The following MYO16 variants were observed in gnomAD, a reference collection of about 807,000 sequenced individuals.
The protein encoded by MYO16 is unconventional myosin-XVI.
In MYO16, 94 loss-of-function variants were observed where a neutral mutation model predicts 205.3. The ratio of observed to expected loss-of-function variants is 0.46; its 90% CI spans 0.39 to 0.54. The LOEUF is 0.54. MYO16 is among the 20% of genes least tolerant of loss of function. The pLI, the probability that MYO16 is intolerant of heterozygous loss-of-function variation, is 0.00. For missense variants in MYO16, 2,315 were observed against 2,387.5 expected, an observed-to-expected ratio of 0.97 and a Z score of 0.63; for synonymous variants, 988 against 954.0, an observed-to-expected ratio of 1.04 and a Z score of -0.66.
intron 34 of MYO16, among the ~76,000 whole-genome samples, chr13:109,197,931 C>T (rs1880227085): frequency 6.6e-6 from 1 of 152,214 alleles, no homozygotes; most frequent in Non-Finnish European, 1.5e-5. Context: ...CTATTCTATT[C>T]ATCAAGTTCC....
chr13:108,506,247 G>GT, the MYO16 span, among the ~76,000 whole-genome samples: 120 of 151,998 alleles, frequency 7.9e-4, 1 homozygote, highest in Non-Finnish European at 1.0e-4. Context: ...GTCTTACTTT[G>GT]GATATTACTT....
the MYO16 span, among the ~76,000 whole-genome samples, chr13:108,497,961 G>A: frequency 1.3e-5 from 2 of 152,110 alleles, no homozygotes; most frequent in African/African-American, 4.8e-5. Context: ...AAATCTGTTG[G>A]GTGAAGCCAC....
At chr13:109,010,976 T>TATATATATATATATATATATATATA (rs59979915) in intron 22 of MYO16, among the ~76,000 whole-genome samples, 35 of 143,118 alleles carry the variant, frequency 2.4e-4, no homozygotes, top group Middle Eastern at 3.7e-3. Context: ...TATATATATA[T>TATATATATATATATATATATATATA]TTCTTCACCT....
At chr13:108,986,280 C>T (rs1034611197) in intron 20 of MYO16, among the ~76,000 whole-genome samples, 84 of 151,978 alleles carry the variant, frequency 5.5e-4, no homozygotes, top group Admixed American at 1.3e-3. Flanking sequence ...CTACAGTGCA[C>T]GTTATGTGTA....
chr13:108,672,962 A>G (rs1882052698), intron 2 of MYO16, among the ~76,000 whole-genome samples: 2 of 151,290 alleles, frequency 1.3e-5, no homozygotes. Flanking sequence ...CCTTGCAGGT[A>G]TGTTCTGCAC....
chr13:108,735,891 C>T (rs1884680920), intron 4 of MYO16, among the ~76,000 whole-genome samples: 1 of 152,050 alleles, frequency 6.6e-6, no homozygotes, highest in African/African-American at 2.4e-5. Context: ...CTCTGATGGC[C>T]AGTGATGATG....
chr13:109,151,929 T>C (rs1178612660), intron 32 of MYO16, among the ~76,000 whole-genome samples: 1 of 152,110 alleles, frequency 6.6e-6, no homozygotes, highest in Non-Finnish European at 1.5e-5. Flanking sequence ...TCAGGCGAGA[T>C]GACGTGCTGG....
intron 16 of MYO16, among the ~76,000 whole-genome samples, chr13:108,928,295 A>G (rs1446296736): frequency 6.6e-6 from 1 of 152,196 alleles, no homozygotes; most frequent in Non-Finnish European, 1.5e-5. Context: ...TGTCCGGTAA[A>G]TGCAGGCGTC....
chr13:108,702,422 G>C (rs1380863620), intron 2 of MYO16, among the ~76,000 whole-genome samples: 4 of 152,170 alleles, frequency 2.6e-5, no homozygotes, highest in Non-Finnish European at 5.9e-5. Context: ...AAGGAAGACT[G>C]CCAGCCAAGA....
chr13:108,703,358 T>C (rs906554414), intron 2 of MYO16, among the ~76,000 whole-genome samples: 19 of 152,342 alleles, frequency 1.2e-4, no homozygotes, highest in African/African-American at 3.1e-4. Flanking sequence ...AAAGGAATTA[T>C]TCCATCATGA....
intron 15 of MYO16, among the ~76,000 whole-genome samples, chr13:108,909,139 A>G (rs758039134): frequency 3.9e-5 from 6 of 152,178 alleles, no homozygotes; most frequent in Admixed American, 1.3e-4. Context: ...ATTTTGACCA[A>G]CGCTAGCTTC....
At chr13:109,177,742 C>G (rs761627657) in intron 33 of MYO16, among the ~76,000 whole-genome samples, 2 of 152,176 alleles carry the variant, frequency 1.3e-5, no homozygotes, top group African/African-American at 2.4e-5. Context: ...GTCTCGATCT[C>G]CTGACCTCAG....
At chr13:108,534,851 C>T in the MYO16 span, among the ~76,000 whole-genome samples, 1 of 148,438 alleles carries the variant, frequency 6.7e-6, no homozygotes, top group East Asian at 2.0e-4. Context: ...TCCTCCTCAT[C>T]CTCTTCCTCC....
intron 4 of MYO16, among the ~76,000 whole-genome samples, chr13:108,773,284 A>G (rs1179273733): frequency 6.6e-6 from 1 of 152,226 alleles, no homozygotes; most frequent in Non-Finnish European, 1.5e-5. Flanking sequence ...TGTATTAGAT[A>G]AAGAGTATTG....
At chr13:108,667,319 TG>T (rs756760949) in intron 2 of MYO16, among the ~76,000 whole-genome samples, 1,613 of 143,566 alleles carry the variant, frequency 0.011, 52 homozygotes, top group East Asian at 0.045. Context: ...ATTTCTGTTT[TG>T]TTTTTTTTTT....
At chr13:108,728,159 A>G (rs544237121) in intron 4 of MYO16, among the ~76,000 whole-genome samples, 1 of 152,350 alleles carries the variant, frequency 6.6e-6, no homozygotes, top group South Asian at 2.1e-4. Context: ...CAATTTTTAG[A>G]AAACACACTG....
chr13:108,531,376 A>G, the MYO16 span, among the ~76,000 whole-genome samples: 1 of 152,214 alleles, frequency 6.6e-6, no homozygotes, highest in Admixed American at 6.5e-5. Context: ...AGATGGTCTT[A>G]GCAGTTTCTA....
chr13:108,688,346 G>A (rs946849865), intron 2 of MYO16, among the ~76,000 whole-genome samples: 1 of 152,082 alleles, frequency 6.6e-6, no homozygotes, highest in South Asian at 2.1e-4. Flanking sequence ...CTTTCTCATC[G>A]GTAGGAATAG....
chr13:109,110,657 G>A (rs537769818), intron 28 of MYO16, among the ~76,000 whole-genome samples: 180 of 152,344 alleles, frequency 1.2e-3, no homozygotes, highest in African/African-American at 4.1e-3. Context: ...GACATTCAGA[G>A]CCAGGCTGAA....
Sources: gnomAD v4.1 joint callset for allele counts (sites outside exome capture counted in the v4.1 genomes callset) on GRCh38, gnomAD v4.1.1 for gene constraint, MANE v1.5 for transcripts, NCBI Gene and HGNC (gene_info 2026-07-23, HGNC 2026-07-21) for gene names.